Variants in MYSM1 observed in about 807,000 individuals in gnomAD.
MYSM1 encodes the protein Myb like, SWIRM and MPN domains 1, also known as deubiquitinase MYSM1.
A neutral mutation model predicts 116.0 loss-of-function variants in MYSM1; 51 were observed. The ratio of observed to expected loss-of-function variants is 0.44; its 90% CI spans 0.35 to 0.56. MYSM1 has a LOEUF of 0.56. Ranked by LOEUF, MYSM1 falls within the 20% of genes least tolerant of loss-of-function variation. The pLI, the probability that MYSM1 is intolerant of heterozygous loss-of-function variation, is 0.00. For missense variants in MYSM1, 900 were observed against 974.9 expected (o/e 0.92, Z 1.02); for synonymous variants, 313 against 315.2 (o/e 0.99, Z 0.07).
At position 58,660,152 on chromosome 1, in the gene MYSM1, A is replaced by T; in HGVS notation, c.2332T>A (p.Leu778Met). Residue 778 changes from leucine to methionine, a missense_variant, in exon 20 of 20, where the codon TTG (leucine) becomes ATG (methionine). Leu to Met is a conservative substitution (Grantham distance 15, BLOSUM62 2). Coordinates refer to ENST00000472487, the MANE Select transcript of MYSM1 (RefSeq NM_001085487.3). ...DSDLTCLQKL[L>M]ECMRKTLSKV... ...CTCAGAGTCTTCCTCATACACTCCA[A>T]AAGCTAGTTGAAAAGAAAAGTTTTA... The T allele has an allele frequency of 6.5e-7, 1 of 1,545,874 alleles. No individual in the cohort carries two copies. The highest frequency in any genetic ancestry group is 8.7e-7 in the Non-Finnish European group (1 of 1,149,074).
In MYSM1 at chr1:58,658,983, A is replaced by ACACACACACACG. The variant is rs1359335352; in HGVS notation, c.*1013_*1014insCGTGTGTGTGTG. The stretch of plus-strand genomic sequence containing the variant: ...AACACACACACACACACACACACAC[A>ACACACACACACG]CACACACACACAAAGAAGAATGTCT... On this transcript the variant is annotated 3_prime_UTR_variant, in exon 20 of 20. Transcript: ENST00000472487. The ACACACACACACG allele has an allele frequency of 1.3e-5, 2 of 151,932 alleles. No homozygotes were observed. The highest frequency in any genetic ancestry group is 2.4e-5 in the African/African-American group (1 of 41,304). The allele number at this position is 151,932 out of a possible 1,614,324, so 9.4% of individuals were successfully genotyped here.
At chr1:58,670,656 T>C (rs1644546854) in intron 12 of MYSM1, among the ~76,000 whole-genome samples, 1 of 152,228 alleles carries the variant, frequency 6.6e-6, no homozygotes, top group Non-Finnish European at 1.5e-5. Flanking sequence ...ATTATCCTTC[T>C]GTATAAGATG....
In MYSM1 at chr1:58,658,460, T is replaced by TA. The variant is rs1644346698; in HGVS notation, c.*1536dup. On this transcript the variant is annotated 3_prime_UTR_variant, in exon 20 of 20. Coordinates refer to ENST00000472487, the MANE Select transcript of MYSM1 (RefSeq NM_001085487.3). ...CTGGAAGGACATTAAGAAGTTAAGT[T>TA]AGACTTCAGTTACACAAGAATTAAG... 2 of 152,120 alleles carry TA rather than the reference T, an allele frequency of 1.3e-5. No homozygotes were observed. Among genetic ancestry groups the TA allele is most frequent in the Admixed American group, 1.3e-4 (2 of 15,266 alleles). The allele number at this position is 152,120 out of a possible 1,614,324, so 9.4% of individuals were successfully genotyped here. A position where few individuals can be genotyped will look rare whatever the true frequency, so the allele number is the denominator to read the frequency against.
chr1:58,673,678 G>C (rs779634795), intron 10 of MYSM1, 28 bp from the exon 11 acceptor site: 2 of 1,584,136 alleles, frequency 1.3e-6, no homozygotes, highest in African/African-American at 2.7e-5. Flanking sequence ...TAAAGCAAAA[G>C]GTAGCAAGAT....
At chr1:58,673,485 C>CA in intron 11 of MYSM1, 88 bp downstream of exon 11, 1 of 1,115,366 alleles carries the variant, frequency 9.0e-7, no homozygotes, top group South Asian at 1.3e-5. Flanking sequence ...ATGTATGAAA[C>CA]AAGTACAATA....
intron 1 of MYSM1, among the ~76,000 whole-genome samples, chr1:58,698,118 T>TTTTTTTTTTTTTTTTTA: frequency 2.1e-5 from 1 of 47,442 alleles, no homozygotes; most frequent in Non-Finnish European, 4.8e-5. Context: ...TTTTTTTTTT[T>TTTTTTTTTTTTTTTTTA]GAGACAGAGT....
intron 7 of MYSM1, among the ~76,000 whole-genome samples, chr1:58,684,564 CA>C (rs1228037580): frequency 0.034 from 2,074 of 60,934 alleles, 35 homozygotes; most frequent in African/African-American, 0.1. Context: ...GACTCTGTCT[CA>C]AAAAAAAAAA....
At chr1:58,662,274 C>T (rs1402081921) in intron 17 of MYSM1, among the ~76,000 whole-genome samples, 4 of 152,078 alleles carry the variant, frequency 2.6e-5, no homozygotes, top group Non-Finnish European at 4.4e-5. Flanking sequence ...GATGAGTTAT[C>T]TTAGCAATTT....
At position 58,672,863 on chromosome 1, in the gene MYSM1, C is replaced by T. The variant is rs554583938; in HGVS notation, c.1572+710G>A. Among the ~76,000 whole-genome samples the T allele has an allele frequency of 4.6e-5, 7 of 152,180 alleles. No homozygotes were observed. The South Asian group carries it at 1.5e-3, about 32-fold the overall frequency. Reference sequence around the variant, plus strand: ...GTCTTTCCTATTAGAAATACAAGCCCCTTATGGGAAGGATGAATTACTAAT... The same window carrying T: ...GTCTTTCCTATTAGAAATACAAGCCTCTTATGGGAAGGATGAATTACTAAT... On this transcript the variant is annotated intron_variant, in intron 11 of 19. Coordinates refer to ENST00000472487, the MANE Select transcript of MYSM1 (RefSeq NM_001085487.3).
intron 11 of MYSM1, among the ~76,000 whole-genome samples, chr1:58,672,372 T>C (rs1321126132): frequency 6.6e-6 from 1 of 152,160 alleles, no homozygotes; most frequent in Non-Finnish European, 1.5e-5. Flanking sequence ...AGTTATTTAC[T>C]AGCTTGGTGA....
In MYSM1 at chr1:58,678,859, T is replaced by C. The variant is rs558767514; in HGVS notation, c.1260-1803A>G. Among the ~76,000 whole-genome samples, 112 of 152,290 alleles carry C rather than the reference T, an allele frequency of 7.4e-4. 1 individual carries two copies. The highest frequency in any genetic ancestry group is 2.6e-3 in the African/African-American group (109 of 41,570). On this transcript the variant is annotated intron_variant, in intron 8 of 19. Transcript: ENST00000472487. Reference sequence around the variant, plus strand: ...AAAAGTCAGGGTCAAGGCCATGAGTTGGAAGTGTGAAAATAATGAGTCAAG... The same window carrying C: ...AAAAGTCAGGGTCAAGGCCATGAGTCGGAAGTGTGAAAATAATGAGTCAAG...
chr1:58,678,808 G>A (rs1476204671), intron 8 of MYSM1, among the ~76,000 whole-genome samples: 2 of 152,124 alleles, frequency 1.3e-5, no homozygotes. Flanking sequence ...GACAAAATAT[G>A]GGGGAAGAAC....
intron 2 of MYSM1, 123 bp from the exon 3 acceptor site, chr1:58,693,054 C>G (rs1202578156): frequency 6.9e-6 from 5 of 729,886 alleles, no homozygotes; most frequent in Non-Finnish European, 1.1e-5. Context: ...ACTGAGCACA[C>G]AGACATATTT....
At chr1:58,676,095 G>A (rs1644646245) in intron 9 of MYSM1, among the ~76,000 whole-genome samples, 1 of 152,164 alleles carries the variant, frequency 6.6e-6, no homozygotes, top group East Asian at 1.9e-4. Flanking sequence ...TCACTTTGTA[G>A]CTATGAATGG....
At chr1:58,663,429 G>A (rs1644423479) in intron 17 of MYSM1, among the ~76,000 whole-genome samples, 1 of 152,110 alleles carries the variant, frequency 6.6e-6, no homozygotes, top group Non-Finnish European at 1.5e-5. Context: ...TAAACCATTA[G>A]AGATATTGTA....
chr1:58,674,129 G>A (rs1017919848), intron 10 of MYSM1, among the ~76,000 whole-genome samples: 9 of 152,100 alleles, frequency 5.9e-5, no homozygotes, highest in South Asian at 2.1e-4. Context: ...CTCCCGGTTC[G>A]AGTGATTCTC....
intron 1 of MYSM1, among the ~76,000 whole-genome samples, chr1:58,698,814 A>C (rs989440621): frequency 2.0e-5 from 3 of 152,220 alleles, no homozygotes; most frequent in Non-Finnish European, 2.9e-5. Flanking sequence ...CAAAGCTTTG[A>C]GGGACAATGA....
At chr1:58,695,080 G>T in intron 2 of MYSM1, 49 bp downstream of exon 2, 1 of 1,095,004 alleles carries the variant, frequency 9.1e-7, no homozygotes, top group African/African-American at 1.6e-5. Context: ...AAGCACTCTA[G>T]GCAATAAATA....
rs756690542 is a variant in MYSM1 at position 58,700,010 on chromosome 1, C to T, written c.43G>A (p.Val15Ile). ...EADVDIEGDV[V>I]AAAGAQPGSG... ...CCTGGCTGTGCCCCCGCCGCCGCTA[C>T]CACGTCCCCTTCGATATCCACATCC... The change falls in exon 1 of 20, where the codon GTA becomes ATA. Residue 15 changes from valine (V) to isoleucine (I), a missense_variant. Val to Ile is a conservative substitution (Grantham distance 29, BLOSUM62 3). This residue lies in a region of MYSM1 where 622 missense variants were observed against 623.7 expected (regional missense o/e 1.00). Transcript: ENST00000472487. 8.1e-6 allele frequency: 13 copies of T among 1,613,594 alleles called. No homozygotes were observed. In the Admixed American group the frequency reaches 2.2e-4, roughly 27 times the overall value.
Sources: gnomAD v4.1 joint callset for allele counts (sites outside exome capture counted in the v4.1 genomes callset) on GRCh38, gnomAD v4.1.1 for gene constraint, gnomAD v4.1.1 regional missense constraint, MANE v1.5 for transcripts, NCBI Gene and HGNC (gene_info 2026-07-23, HGNC 2026-07-21) for gene names.